Variants in CPQ observed in about 807,000 individuals in gnomAD.
CPQ encodes the protein carboxypeptidase Q, also known as Ser-Met dipeptidase.
In CPQ, 37 loss-of-function variants were observed where a neutral mutation model predicts 45.7. The ratio of observed to expected loss-of-function variants is 0.81; its 90% CI spans 0.62 to 1.07. The LOEUF (loss-of-function observed/expected upper bound fraction) is 1.07, where lower values mean the gene tolerates loss of function less well. CPQ is among the 50% of genes least tolerant of loss of function. CPQ has a pLI of 0.00. For missense variants in CPQ, 537 were observed against 572.9 expected, an observed-to-expected ratio of 0.94 and a Z score of 0.64; for synonymous variants, 186 against 205.8, an observed-to-expected ratio of 0.90 and a Z score of 0.82.
At chr8:97,086,316 A>C (rs1811040099) in intron 7 of CPQ, among the ~76,000 whole-genome samples, 1 of 152,216 alleles carries the variant, frequency 6.6e-6, no homozygotes, top group South Asian at 2.1e-4. Flanking sequence ...ATATTTATTG[A>C]AGACCATAAG....
intron 4 of CPQ, among the ~76,000 whole-genome samples, chr8:96,958,403 T>G (rs1234587371): frequency 6.6e-6 from 1 of 152,090 alleles, no homozygotes; most frequent in Non-Finnish European, 1.5e-5. Context: ...TATACTGTGG[T>G]TGCTGAGGCT....
At chr8:97,112,840 G>A (rs1217548543) in intron 7 of CPQ, among the ~76,000 whole-genome samples, 1 of 152,212 alleles carries the variant, frequency 6.6e-6, no homozygotes, top group Admixed American at 6.5e-5. Context: ...AGTAAAGGAT[G>A]GGGCTCTGGT....
chr8:96,649,570 T>C (rs1488724076), intron 1 of CPQ, among the ~76,000 whole-genome samples: 1 of 152,104 alleles, frequency 6.6e-6, no homozygotes, highest in Admixed American at 6.5e-5. Context: ...ACTGGGTGAG[T>C]GGAGATGCCA....
chr8:97,102,460 T>C (rs1262728652), intron 7 of CPQ, among the ~76,000 whole-genome samples: 1 of 152,136 alleles, frequency 6.6e-6, no homozygotes, highest in African/African-American at 2.4e-5. Context: ...CAACAGGCAA[T>C]TGAAGGCGGC....
intron 7 of CPQ, among the ~76,000 whole-genome samples, chr8:97,076,571 A>C (rs558295363): frequency 6.6e-6 from 1 of 151,924 alleles, no homozygotes; most frequent in Non-Finnish European, 1.5e-5. Flanking sequence ...TCTTCTTACC[A>C]CTTATGTGTT....
chr8:96,767,089 C>T (rs2130795637), intron 1 of CPQ, among the ~76,000 whole-genome samples: 2 of 152,284 alleles, frequency 1.3e-5, no homozygotes, highest in South Asian at 4.1e-4. Flanking sequence ...GCTGCCGACT[C>T]ATTATCCGAG....
At chr8:96,941,756 A>C (rs1813125543) in intron 4 of CPQ, among the ~76,000 whole-genome samples, 1 of 152,210 alleles carries the variant, frequency 6.6e-6, no homozygotes, top group African/African-American at 2.4e-5. Flanking sequence ...ACTGAGAACC[A>C]TGATTCTAAA....
chr8:97,143,044 A>G lies in CPQ; in HGVS notation c.1280A>G (p.Tyr427Cys), dbSNP rs1259795110. Reference sequence around the variant, plus strand: ...GGAGCCAGTCTACTTGATGACTTATACAAGTATTTCTTCTTCCATCACTCC... The same window carrying G: ...GGAGCCAGTCTACTTGATGACTTATGCAAGTATTTCTTCTTCCATCACTCC... ...VPGASLLDDL[Y>C]KYFFFHHSHG... is the part of the protein sequence containing the mutation. The change falls in exon 8 of 8, where the codon TAC (tyrosine) becomes TGC (cysteine). Residue 427 changes from tyrosine (Y) to cysteine (C), a missense_variant. By Grantham distance (194) the Tyr-to-Cys change is radical. Coordinates refer to ENST00000220763, the MANE Select transcript of CPQ (RefSeq NM_016134.4). 1 of 1,613,796 alleles carries G rather than the reference A, an allele frequency of 6.2e-7. No individual in the cohort carries two copies. Among genetic ancestry groups the G allele is most frequent in the Non-Finnish European group, 8.5e-7 (1 of 1,179,870 alleles).
chr8:96,780,124 A>C (rs893526448), intron 1 of CPQ, among the ~76,000 whole-genome samples: 1 of 152,182 alleles, frequency 6.6e-6, no homozygotes, highest in Non-Finnish European at 1.5e-5. Flanking sequence ...GAGTATAACA[A>C]TTGAAGGTGC....
At chr8:96,790,606 AAAGCTC>A (rs1263785276) in intron 2 of CPQ, among the ~76,000 whole-genome samples, 4 of 152,132 alleles carry the variant, frequency 2.6e-5, no homozygotes, top group Non-Finnish European at 5.9e-5. Context: ...GGGTGGAGAG[AAAGCTC>A]TTACGTTCTT....
chr8:96,781,115 A>C (rs1810680553), intron 1 of CPQ, among the ~76,000 whole-genome samples: 1 of 152,142 alleles, frequency 6.6e-6, no homozygotes, highest in Non-Finnish European at 1.5e-5. Flanking sequence ...TTTGTTATAG[A>C]CTAATGCTTT....
At chr8:96,866,476 T>A (rs1041672910) in intron 3 of CPQ, among the ~76,000 whole-genome samples, 5 of 152,058 alleles carry the variant, frequency 3.3e-5, no homozygotes, top group Admixed American at 1.3e-4. Context: ...TTTTGCTATA[T>A]TTAAAAGCAG....
intron 6 of CPQ, among the ~76,000 whole-genome samples, chr8:97,061,545 C>T (rs1211664854): frequency 6.6e-6 from 1 of 151,976 alleles, no homozygotes; most frequent in Non-Finnish European, 1.5e-5. Context: ...GCTAGGTAAC[C>T]GTGGGAAAGT....
intron 7 of CPQ, among the ~76,000 whole-genome samples, chr8:97,116,183 G>A (rs1811589652): frequency 6.6e-6 from 1 of 152,190 alleles, no homozygotes; most frequent in Admixed American, 6.5e-5. Flanking sequence ...AAGACATCCA[G>A]GTCTCAAGAA....
intron 5 of CPQ, among the ~76,000 whole-genome samples, chr8:96,972,361 A>G (rs1338451426): frequency 6.6e-6 from 1 of 152,188 alleles, no homozygotes; most frequent in Non-Finnish European, 1.5e-5. Flanking sequence ...AAGCCCTGCC[A>G]AAGGAGAGGC....
chr8:96,664,892 A>G (rs1808899514), intron 1 of CPQ, among the ~76,000 whole-genome samples: 1 of 152,226 alleles, frequency 6.6e-6, no homozygotes, highest in African/African-American at 2.4e-5. Flanking sequence ...GAATGAAGGA[A>G]ACATAATTCA....
At chr8:96,901,026 T>A (rs1812506427) in intron 4 of CPQ, among the ~76,000 whole-genome samples, 1 of 152,128 alleles carries the variant, frequency 6.6e-6, no homozygotes, top group Non-Finnish European at 1.5e-5. Context: ...TGGAGAGATA[T>A]ATTCCTTGAG....
At chr8:97,042,247 T>C (rs1810141054) in intron 6 of CPQ, among the ~76,000 whole-genome samples, 1 of 152,074 alleles carries the variant, frequency 6.6e-6, no homozygotes, top group Admixed American at 6.5e-5. Context: ...TATCCATTTC[T>C]TCTAGATTTT....
intron 1 of CPQ, among the ~76,000 whole-genome samples, chr8:96,676,200 A>C (rs1160953307): frequency 6.6e-6 from 1 of 152,044 alleles, no homozygotes; most frequent in Non-Finnish European, 1.5e-5. Context: ...TATGCTGTCC[A>C]ACACTAGGAC....
Sources: gnomAD v4.1 joint callset for allele counts (sites outside exome capture counted in the v4.1 genomes callset) on GRCh38, gnomAD v4.1.1 for gene constraint, MANE v1.5 for transcripts, NCBI Gene and HGNC (gene_info 2026-07-23, HGNC 2026-07-21) for gene names.